Variants in FIGN observed in about 807,000 individuals in gnomAD.
The protein encoded by FIGN is fidgetin, microtubule severing factor.
In FIGN, 11 loss-of-function variants were observed where a neutral mutation model predicts 51.3. The ratio of observed to expected loss-of-function variants is 0.21; its 90% CI spans 0.13 to 0.35. FIGN has a LOEUF of 0.35. FIGN is among the 10% of genes least tolerant of loss of function. The pLI is 1.00. For synonymous variants in FIGN, 407 were observed against 363.2 expected (o/e 1.12, Z -1.37); for missense variants, 857 against 943.6 (o/e 0.91, Z 1.20).
intron 2 of FIGN, among the ~76,000 whole-genome samples, chr2:163,706,776 G>A (rs940413394): frequency 1.2e-4 from 18 of 152,170 alleles, no homozygotes; most frequent in Admixed American, 3.3e-4. Flanking sequence ...CATCACACAG[G>A]AAATCTTGTT....
intron 2 of FIGN, 58 bp from the exon 3 acceptor site, chr2:163,611,864 A>C: frequency 6.9e-7 from 1 of 1,443,130 alleles, no homozygotes; most frequent in South Asian, 1.3e-5. Flanking sequence ...GAACTCTTAA[A>C]GCTTTTCCCC....
At chr2:163,686,711 A>G (rs763023277) in intron 2 of FIGN, among the ~76,000 whole-genome samples, 2 of 151,950 alleles carry the variant, frequency 1.3e-5, no homozygotes. Context: ...TCCCAGTGAC[A>G]TTTAGCTATT....
rs901343063 is a variant in FIGN, at chr2:163,604,603, CAA to C, written c.*4947_*4948del. The C allele has an allele frequency of 1.3e-5, 2 of 150,284 alleles. No individual in the cohort carries two copies. The highest frequency in any genetic ancestry group is 3.0e-5 in the Non-Finnish European group (2 of 67,628). 9.3% of individuals were successfully genotyped at this position (150,284 alleles called of 1,614,324 possible). A position where few individuals can be genotyped will look rare whatever the true frequency, so the allele number is the denominator to read the frequency against. On this transcript the variant is annotated 3_prime_UTR_variant, in exon 3 of 3. Transcript: ENST00000333129. ...TTTTTCTTACGAAATGCATGACATTCAAAAAAAGACAACAAATAAATACTACA... is the reference window on the plus strand; with the variant it reads ...TTTTTCTTACGAAATGCATGACATTCAAAAAGACAACAAATAAATACTACA...
intron 2 of FIGN, among the ~76,000 whole-genome samples, chr2:163,618,231 T>G (rs910072471): frequency 2.0e-5 from 3 of 152,220 alleles, no homozygotes; most frequent in African/African-American, 7.2e-5. Flanking sequence ...ACTTAGAGGT[T>G]GAAGACTAGT....
At position 163,719,749 on chromosome 2, in the gene FIGN, G is replaced by T. The variant is rs566742314; in HGVS notation, c.25+15154C>A. Among the ~76,000 whole-genome samples the T allele has an allele frequency of 9.6e-4, 146 of 152,230 alleles. 1 individual carries two copies. Among genetic ancestry groups the T allele is most frequent in the Non-Finnish European group, 1.8e-3 (122 of 67,998 alleles). ...AGTGCCAGAATATGCATTTTTTAAA[G>T]AAAAACGAAGAATCACTTTGATCAC... is the stretch of plus-strand genomic sequence containing the variant. On this transcript the variant is annotated intron_variant, in intron 2 of 2. Coordinates refer to ENST00000333129, the MANE Select transcript of FIGN (RefSeq NM_018086.4).
intron 2 of FIGN, among the ~76,000 whole-genome samples, chr2:163,672,624 A>G (rs1294015961): frequency 6.6e-6 from 1 of 152,208 alleles, no homozygotes; most frequent in African/African-American, 2.4e-5. Context: ...TACTATGTGA[A>G]AAACAAAGTG....
intron 2 of FIGN, among the ~76,000 whole-genome samples, chr2:163,690,034 T>C (rs1684214406): frequency 6.6e-6 from 1 of 152,186 alleles, no homozygotes; most frequent in Non-Finnish European, 1.5e-5. Flanking sequence ...TGTGCACTTT[T>C]CTTCCAGTTA....
intron 2 of FIGN, among the ~76,000 whole-genome samples, chr2:163,643,629 C>T (rs868179607): frequency 4.8e-5 from 7 of 144,912 alleles, no homozygotes; most frequent in Non-Finnish European, 1.0e-4. Flanking sequence ...CTAGCCTGGG[C>T]GACAGAGCTA....
At chr2:163,680,044 TTGCACTACGCAC>T (rs1684037450) in intron 2 of FIGN, among the ~76,000 whole-genome samples, 1 of 152,178 alleles carries the variant, frequency 6.6e-6, no homozygotes, top group African/African-American at 2.4e-5. Flanking sequence ...CGTGGAATGA[TTGCACTACGCAC>T]TGCCTCTTCA....
chr2:163,671,955 C>A (rs1683883823), intron 2 of FIGN, among the ~76,000 whole-genome samples: 1 of 152,022 alleles, frequency 6.6e-6, no homozygotes, highest in African/African-American at 2.4e-5. Context: ...ATAATATAAT[C>A]AATATATTAT....
At chr2:163,678,224 T>A (rs1178505439) in intron 2 of FIGN, among the ~76,000 whole-genome samples, 2 of 152,042 alleles carry the variant, frequency 1.3e-5, no homozygotes, top group Non-Finnish European at 2.9e-5. Context: ...TCTTTTTTTT[T>A]CTTTTTTCTT....
At chr2:163,623,210 A>G (rs1190492950) in intron 2 of FIGN, among the ~76,000 whole-genome samples, 2 of 152,198 alleles carry the variant, frequency 1.3e-5, no homozygotes, top group Non-Finnish European at 2.9e-5. Flanking sequence ...TCTATGCTTT[A>G]CTAGCTTTAT....
intron 2 of FIGN, among the ~76,000 whole-genome samples, chr2:163,621,342 GA>G (rs988819822): frequency 7.2e-5 from 11 of 151,856 alleles, no homozygotes; most frequent in Non-Finnish European, 1.3e-4. Flanking sequence ...CTTGGACTTC[GA>G]AAAAAAATTC....
At chr2:163,692,297 TAGG>T (rs1346085565) in intron 2 of FIGN, among the ~76,000 whole-genome samples, 1 of 152,142 alleles carries the variant, frequency 6.6e-6, no homozygotes, top group African/African-American at 2.4e-5. Context: ...GAAGTACCAG[TAGG>T]AGGTGTTGGT....
chr2:163,711,450 C>G (rs186561638), intron 2 of FIGN, among the ~76,000 whole-genome samples: 1 of 151,980 alleles, frequency 6.6e-6, no homozygotes, highest in African/African-American at 2.4e-5. Flanking sequence ...AACAGGGACG[C>G]GAGAAGTAGT....
At chr2:163,678,103 T>A (rs1211856385) in intron 2 of FIGN, among the ~76,000 whole-genome samples, 1 of 152,248 alleles carries the variant, frequency 6.6e-6, no homozygotes. Flanking sequence ...CAATACACTA[T>A]TGTCAACTAA....
At chr2:163,705,578 C>T (rs1286224739) in intron 2 of FIGN, among the ~76,000 whole-genome samples, 1 of 150,978 alleles carries the variant, frequency 6.6e-6, no homozygotes, top group Non-Finnish European at 1.5e-5. Flanking sequence ...TGTGAGACTT[C>T]CAAAAAACAT....
chr2:163,696,393 A>C (rs1684318911), intron 2 of FIGN, among the ~76,000 whole-genome samples: 1 of 152,068 alleles, frequency 6.6e-6, no homozygotes, highest in South Asian at 2.1e-4. Context: ...GAAATTAGCA[A>C]CCTATTCTAC....
At chr2:163,723,540 GCAA>G (rs1684792523) in intron 2 of FIGN, among the ~76,000 whole-genome samples, 2 of 152,164 alleles carry the variant, frequency 1.3e-5, no homozygotes, top group African/African-American at 4.8e-5. Context: ...CATGGATGAT[GCAA>G]CAACTGACCT....
Sources: allele counts gnomAD v4.1 joint callset (sites outside exome capture counted in the v4.1 genomes callset), GRCh38; gene constraint gnomAD v4.1.1; transcripts MANE v1.5; gene names NCBI Gene and HGNC (gene_info 2026-07-23, HGNC 2026-07-21).